TTC34: variants seen among roughly 807,000 people sequenced by gnomAD.
TTC34 encodes tetratricopeptide repeat domain 34.
A neutral mutation model predicts 40.7 loss-of-function variants in TTC34; 44 were observed. The observed-to-expected ratio is 1.08, with a 90% CI of 0.85 to 1.39. The LOEUF is 1.39. TTC34 is among the 40% of genes most tolerant of loss of function. TTC34 has a pLI of 0.00. For missense variants in TTC34, 884 were observed against 838.0 expected, an observed-to-expected ratio of 1.05 and a Z score of -0.68; for synonymous variants, 422 against 398.6, an observed-to-expected ratio of 1.06 and a Z score of -0.70.
chr1:2,641,398 C>T (rs1467945087), exon 9 of TTC34: 2 of 1,526,348 alleles, frequency 1.3e-6, no homozygotes, highest in Non-Finnish European at 1.8e-6. Flanking sequence ...AGGATGCCTC[C>T]CTCCGGATTC....
At chr1:2,783,157 C>T (rs1180024413) in intron 6 of TTC34, among the ~76,000 whole-genome samples, 1 of 152,186 alleles carries the variant, frequency 6.6e-6, no homozygotes, top group African/African-American at 2.4e-5. Context: ...GGGGCTGCAT[C>T]CCTGCACCTG....
intron 2 of TTC34, among the ~76,000 whole-genome samples, chr1:2,791,853 A>G (rs529983276): frequency 6.6e-6 from 1 of 151,790 alleles, no homozygotes; most frequent in African/African-American, 2.4e-5. Context: ...CGAGACTTTG[A>G]TATTGTCCCC....
At chr1:2,691,899 C>G (rs1419038882) in intron 6 of TTC34, among the ~76,000 whole-genome samples, 1 of 67,474 alleles carries the variant, frequency 1.5e-5, no homozygotes, top group African/African-American at 4.5e-5. Flanking sequence ...GAGCAGCAAC[C>G]TGCACACCCA....
intron 6 of TTC34, among the ~76,000 whole-genome samples, chr1:2,649,709 C>T (rs1057394333): frequency 2.6e-5 from 4 of 152,100 alleles, no homozygotes; most frequent in Non-Finnish European, 4.4e-5. Context: ...TTAGTAGAGA[C>T]GGGGTTTCAC....
intron 6 of TTC34, among the ~76,000 whole-genome samples, chr1:2,768,496 C>T (rs1399220614): frequency 2.7e-5 from 4 of 150,800 alleles, no homozygotes; most frequent in Non-Finnish European, 4.4e-5. Context: ...AAAAGCTCCC[C>T]GCCCTCAGGT....
At chr1:2,666,052 T>C (rs1302980837) in intron 6 of TTC34, among the ~76,000 whole-genome samples, 7 of 27,982 alleles carry the variant, frequency 2.5e-4, no homozygotes, top group Admixed American at 3.9e-4. Flanking sequence ...AACCATACCC[T>C]CAGGTAAGCA....
At chr1:2,648,597 G>A (rs1167753598) in intron 6 of TTC34, among the ~76,000 whole-genome samples, 1 of 152,004 alleles carries the variant, frequency 6.6e-6, no homozygotes, top group Non-Finnish European at 1.5e-5. Flanking sequence ...CCCCAGGTGA[G>A]CATCTGACAG....
intron 7 of TTC34, 109 bp from the exon 8 acceptor site, chr1:2,644,587 C>T: frequency 8.8e-7 from 1 of 1,133,016 alleles, no homozygotes; most frequent in Non-Finnish European, 1.2e-6. Flanking sequence ...TTGCGGGGAG[C>T]TGATGATGGC....
exon 9 of TTC34, chr1:2,639,046 G>C (rs1638845393): frequency 6.6e-6 from 1 of 152,236 alleles, no homozygotes; most frequent in Non-Finnish European, 1.5e-5. Flanking sequence ...GGGCTTGGGA[G>C]AACTCTGGGG....
intron 6 of TTC34, among the ~76,000 whole-genome samples, chr1:2,694,141 A>ACC (rs1640753491): frequency 1.5e-5 from 2 of 132,918 alleles, no homozygotes; most frequent in Non-Finnish European, 1.6e-5. Flanking sequence ...CTGGAACAGC[A>ACC]CACACACCCC....
At chr1:2,684,579 C>G (rs1640233008) in intron 6 of TTC34, among the ~76,000 whole-genome samples, 2 of 137,840 alleles carry the variant, frequency 1.5e-5, no homozygotes, top group African/African-American at 6.2e-5. Flanking sequence ...ATCCGATAGC[C>G]TGGAGCAACA....
intron 6 of TTC34, among the ~76,000 whole-genome samples, chr1:2,695,842 G>GCGAACATCCGACAGCC (rs1640839166): frequency 8.0e-6 from 1 of 125,000 alleles, no homozygotes; most frequent in African/African-American, 3.2e-5. Flanking sequence ...ACACCCCCAG[G>GCGAACATCCGACAGCC]TGAACATCCG....
rs545958021 is a variant in TTC34, at chr1:2,698,883, C to G, written c.2227-53320G>C. On this transcript the variant is annotated intron_variant, in intron 6 of 8. Coordinates refer to ENST00000401095, the Ensembl canonical transcript of TTC34. ...AGCATCTGACATCCTGGAGCAGCACCCACACCCCCAGGTGAGCATCTGACA... is the reference window on the plus strand; with the variant it reads ...AGCATCTGACATCCTGGAGCAGCACGCACACCCCCAGGTGAGCATCTGACA... Among the ~76,000 whole-genome samples the G allele has an allele frequency of 3.3e-5, 5 of 150,732 alleles. No homozygotes were observed. In the South Asian group the frequency reaches 8.4e-4, roughly 25 times the overall value.
chr1:2,775,892 C>T (rs186119536), intron 6 of TTC34, among the ~76,000 whole-genome samples: 1 of 138,042 alleles, frequency 7.2e-6, no homozygotes, highest in South Asian at 2.3e-4. Flanking sequence ...AGATCCTCAC[C>T]TGGGGATGGA....
chr1:2,695,115 C>T (rs1309716875), intron 6 of TTC34, among the ~76,000 whole-genome samples: 1 of 130,902 alleles, frequency 7.6e-6, no homozygotes, highest in African/African-American at 2.9e-5. Flanking sequence ...CACCCATACG[C>T]CAAGATGAGC....
At chr1:2,687,217 A>G (rs1640403059) in intron 6 of TTC34, among the ~76,000 whole-genome samples, 1 of 138,922 alleles carries the variant, frequency 7.2e-6, no homozygotes, top group Non-Finnish European at 1.5e-5. Context: ...CCCGGCGAGC[A>G]TCCGACAGCC....
At chr1:2,753,431 T>A (rs1366140199) in intron 6 of TTC34, among the ~76,000 whole-genome samples, 1 of 121,194 alleles carries the variant, frequency 8.3e-6, no homozygotes, top group African/African-American at 3.8e-5. Context: ...GGTGAGCATC[T>A]GACAGCCTGG....
At position 2,749,621 on chromosome 1, in the gene TTC34, A is replaced by C. The variant is rs1386080780; in HGVS notation, c.2226+33988T>G. Among the ~76,000 whole-genome samples, 21 of 110,012 alleles carry C rather than the reference A, an allele frequency of 1.9e-4. No individual in the cohort carries two copies. In the East Asian group the frequency reaches 5.3e-3, roughly 28 times the overall value. 72.2% of individuals were successfully genotyped at this position (110,012 alleles called of 152,430 possible). A position where few individuals can be genotyped will look rare whatever the true frequency, so the allele number is the denominator to read the frequency against. On this transcript the variant is annotated intron_variant, in intron 6 of 8. Transcript: ENST00000401095. Reference sequence around the variant, plus strand: ...ACCCACACCCCCAGGTGTGCATGTGATGGTCTGGAGCAGCCCCCACACCCA... The same window carrying C: ...ACCCACACCCCCAGGTGTGCATGTGCTGGTCTGGAGCAGCCCCCACACCCA...
At chr1:2,641,455 G>A (rs1311622464) in exon 9 of TTC34, 5 of 1,535,438 alleles carry the variant, frequency 3.3e-6, no homozygotes, top group Non-Finnish European at 3.5e-6. Context: ...CCACCAGGAG[G>A]CCGCTCTCTA....
Sources: gnomAD v4.1 joint callset for allele counts (sites outside exome capture counted in the v4.1 genomes callset) on GRCh38, gnomAD v4.1.1 for gene constraint, MANE v1.5 for transcripts, NCBI Gene and HGNC (gene_info 2026-07-23, HGNC 2026-07-21) for gene names.